Variants in NFIA observed in about 807,000 individuals in gnomAD.
NFIA encodes the protein nuclear factor 1 A-type.
NFIA carries 8 observed loss-of-function variants against 62.8 expected under a neutral mutation model. The observed-to-expected ratio is 0.13, with a 90% CI of 0.07 to 0.23. The LOEUF (loss-of-function observed/expected upper bound fraction) is 0.23, where lower values mean the gene tolerates loss of function less well. Ranked by LOEUF, NFIA falls within the 10% of genes least tolerant of loss-of-function variation. NFIA has a pLI of 1.00. For missense variants in NFIA, 410 were observed against 642.1 expected, an observed-to-expected ratio of 0.64 and a Z score of 3.91; for synonymous variants, 235 against 238.1, an observed-to-expected ratio of 0.99 and a Z score of 0.12.
At chr1:61,245,496 A>C (rs148143952) in intron 2 of NFIA, among the ~76,000 whole-genome samples, 3 of 152,266 alleles carry the variant, frequency 2.0e-5, no homozygotes, top group Non-Finnish European at 2.9e-5. Context: ...AATAAATTCT[A>C]TTAATAATTG....
chr1:61,395,204 A>G (rs1411558515), intron 7 of NFIA, among the ~76,000 whole-genome samples: 2 of 152,016 alleles, frequency 1.3e-5, no homozygotes, highest in African/African-American at 4.8e-5. Flanking sequence ...AATTTGGTGG[A>G]GAGAAATGCT....
At chr1:61,416,247 G>A (rs1409600437) in intron 9 of NFIA, among the ~76,000 whole-genome samples, 4 of 152,176 alleles carry the variant, frequency 2.6e-5, no homozygotes, top group South Asian at 2.1e-4. Context: ...CAAATATTAT[G>A]ATTTCTTTAT....
At chr1:61,112,145 A>AG (rs1474932493) in intron 2 of NFIA, among the ~76,000 whole-genome samples, 4 of 150,526 alleles carry the variant, frequency 2.7e-5, no homozygotes, top group Admixed American at 6.6e-5. Context: ...TTAAAAAAAA[A>AG]CTATGCTCTA....
chr1:61,259,981 T>C (rs1032006366), intron 2 of NFIA, among the ~76,000 whole-genome samples: 3 of 152,192 alleles, frequency 2.0e-5, no homozygotes, highest in South Asian at 2.1e-4. Flanking sequence ...ACTTTTGAGA[T>C]TGCAATAGCT....
intron 2 of NFIA, among the ~76,000 whole-genome samples, chr1:61,260,876 G>A (rs1208223496): frequency 6.6e-6 from 1 of 152,140 alleles, no homozygotes; most frequent in Non-Finnish European, 1.5e-5. Context: ...CCCTGCGCCC[G>A]GCCAAGAAAT....
upstream of NFIA, among the ~76,000 whole-genome samples, chr1:61,078,055 T>C (rs1646054013): frequency 2.6e-5 from 4 of 152,096 alleles, no homozygotes; most frequent in South Asian, 8.3e-4. Context: ...GATCCTCTAA[T>C]CAATGGGACA....
chr1:61,324,883 C>G (rs1660849915), intron 3 of NFIA, among the ~76,000 whole-genome samples: 1 of 152,186 alleles, frequency 6.6e-6, no homozygotes, highest in South Asian at 2.1e-4. Flanking sequence ...TAATCTCTCC[C>G]CACTGCGAGT....
At chr1:61,431,309 C>A (rs1488401201) in intron 10 of NFIA, among the ~76,000 whole-genome samples, 1 of 152,166 alleles carries the variant, frequency 6.6e-6, no homozygotes, top group East Asian at 1.9e-4. Flanking sequence ...GAGCAAAGAA[C>A]TCATTTTGAT....
intron 2 of NFIA, among the ~76,000 whole-genome samples, chr1:61,143,128 G>A (rs186425146): frequency 7.6e-4 from 115 of 152,138 alleles, no homozygotes; most frequent in African/African-American, 2.6e-3. Context: ...AGCTTTTTGG[G>A]GTGGCAAGAA....
At chr1:61,253,677 A>G (rs988314981) in intron 2 of NFIA, among the ~76,000 whole-genome samples, 2 of 152,216 alleles carry the variant, frequency 1.3e-5, no homozygotes, top group Non-Finnish European at 2.9e-5. Flanking sequence ...CATGAAGACA[A>G]ACCCTAATAG....
intron 10 of NFIA, among the ~76,000 whole-genome samples, chr1:61,444,283 C>T (rs1019045889): frequency 1.3e-4 from 20 of 152,186 alleles, no homozygotes; most frequent in Admixed American, 1.2e-3. Context: ...GCAAAGTTCT[C>T]CTGGCCCCTG....
rs1032479278 is a variant in NFIA at position 61,118,708 on chromosome 1, G to A, written c.559+30028G>A. ...TGTGTGTGTGTGTGTGTGTGTGTGT[G>A]TACCAGAGACTGAAGGCCATTATGG... On this transcript the variant is annotated intron_variant, in intron 2 of 10. Coordinates refer to ENST00000403491, the MANE Select transcript of NFIA (RefSeq NM_001134673.4). Among the ~76,000 whole-genome samples the A allele has an allele frequency of 3.6e-5, 5 of 140,734 alleles. No homozygotes were observed. In the East Asian group the frequency reaches 6.4e-4, roughly 18 times the overall value. The allele number at this position is 140,734 out of a possible 152,430, so 92.3% of individuals were successfully genotyped here. A position where few individuals can be genotyped will look rare whatever the true frequency, so the allele number is the denominator to read the frequency against.
At chr1:61,157,684 A>G (rs1648909091) in intron 2 of NFIA, among the ~76,000 whole-genome samples, 1 of 152,112 alleles carries the variant, frequency 6.6e-6, no homozygotes. Flanking sequence ...TTTTTCTTTT[A>G]CTCTGTAACC....
chr1:61,086,765 T>C (rs1403760240), intron 1 of NFIA, among the ~76,000 whole-genome samples: 1 of 152,198 alleles, frequency 6.6e-6, no homozygotes, highest in African/African-American at 2.4e-5. Flanking sequence ...CATTTGAACA[T>C]TTAAAAATTT....
At chr1:61,400,494 A>AG (rs772399926) in intron 7 of NFIA, among the ~76,000 whole-genome samples, 2 of 152,230 alleles carry the variant, frequency 1.3e-5, no homozygotes, top group Non-Finnish European at 2.9e-5. Context: ...AATTGTATTA[A>AG]CATCAATGTG....
chr1:61,215,965 C>G (rs1463222409), intron 2 of NFIA, among the ~76,000 whole-genome samples: 1 of 152,150 alleles, frequency 6.6e-6, no homozygotes, highest in Non-Finnish European at 1.5e-5. Context: ...TGCTTGATGG[C>G]TTATTTGCCA....
intron 2 of NFIA, among the ~76,000 whole-genome samples, chr1:61,138,343 G>A (rs887295937): frequency 6.6e-6 from 1 of 152,084 alleles, no homozygotes; most frequent in Non-Finnish European, 1.5e-5. Flanking sequence ...TGATGCTCCT[G>A]CCTTAGCTTC....
At chr1:61,175,832 A>G (rs1438760438) in intron 2 of NFIA, among the ~76,000 whole-genome samples, 1 of 152,148 alleles carries the variant, frequency 6.6e-6, no homozygotes, top group Non-Finnish European at 1.5e-5. Context: ...TCATGCAACA[A>G]TTTTTTTGAC....
chr1:61,447,849 C>T (rs560217797), intron 10 of NFIA, among the ~76,000 whole-genome samples: 10 of 152,128 alleles, frequency 6.6e-5, no homozygotes, highest in Admixed American at 1.3e-4. Flanking sequence ...CCGTCATAAG[C>T]GGCTCCAGAA....
Sources: gnomAD v4.1 joint callset for allele counts (sites outside exome capture counted in the v4.1 genomes callset) on GRCh38, gnomAD v4.1.1 for gene constraint, MANE v1.5 for transcripts, NCBI Gene and HGNC (gene_info 2026-07-23, HGNC 2026-07-21) for gene names.